Variants in MYL10 observed in about 807,000 individuals in gnomAD.
The protein encoded by MYL10 is myosin light chain 10.
A neutral mutation model predicts 21.9 loss-of-function variants in MYL10; 18 were observed. The observed-to-expected ratio is 0.82, with a 90% CI of 0.57 to 1.22. The LOEUF (loss-of-function observed/expected upper bound fraction) is 1.22, where lower values mean the gene tolerates loss of function less well. MYL10 is among the 50% of genes most tolerant of loss of function. The pLI, the probability that MYL10 is intolerant of heterozygous loss-of-function variation, is 0.00. For missense variants in MYL10, 225 were observed against 230.4 expected, an observed-to-expected ratio of 0.98 and a Z score of 0.15; for synonymous variants, 88 against 82.8, an observed-to-expected ratio of 1.06 and a Z score of -0.34.
At chr7:101,621,863 G>T (rs1335960236) in intron 5 of MYL10, among the ~76,000 whole-genome samples, 1 of 152,120 alleles carries the variant, frequency 6.6e-6, no homozygotes, top group Non-Finnish European at 1.5e-5. Context: ...TGGGATTACA[G>T]GCGTGAGCCA....
intron 6 of MYL10, among the ~76,000 whole-genome samples, chr7:101,615,070 C>T (rs1022033746): frequency 3.9e-5 from 6 of 152,120 alleles, no homozygotes; most frequent in Admixed American, 3.9e-4. Flanking sequence ...CCCTTGCTGT[C>T]ACTGGGTGGG....
At chr7:101,615,557 G>A (rs1796598933) in intron 6 of MYL10, among the ~76,000 whole-genome samples, 1 of 144,106 alleles carries the variant, frequency 6.9e-6, no homozygotes. Context: ...CCAAGCCCTG[G>A]CCCTCCAAGC....
intron 4 of MYL10, 83 bp from the exon 5 acceptor site, chr7:101,622,283 T>A: frequency 9.4e-7 from 1 of 1,064,720 alleles, no homozygotes; most frequent in Non-Finnish European, 1.4e-6. Context: ...GCCTCCCCAC[T>A]CAGCTGCTCC....
intron 5 of MYL10, among the ~76,000 whole-genome samples, chr7:101,618,867 A>G (rs1381632794): frequency 1.3e-5 from 2 of 152,158 alleles, no homozygotes; most frequent in East Asian, 1.9e-4. Flanking sequence ...CAGCTCAACC[A>G]TGGACCGACA....
intron 4 of MYL10, 126 bp from the exon 5 acceptor site, chr7:101,622,326 G>A (rs969283276): frequency 7.9e-6 from 5 of 635,874 alleles, no homozygotes; most frequent in Non-Finnish European, 1.0e-5. Flanking sequence ...AGGCCCTGAC[G>A]CCTTTTTGGG....
Position 101,624,561 on chromosome 7 carries a change from G to A in MYL10, c.79-297C>T, listed in dbSNP as rs76032633. Among the ~76,000 whole-genome samples the A allele has an allele frequency of 5.3e-3, 804 of 152,248 alleles. 8 individuals carry two copies. Among genetic ancestry groups the A allele is most frequent in the African/African-American group, 0.018 (753 of 41,552 alleles). On this transcript the variant is annotated intron_variant, in intron 1 of 7. Transcript: ENST00000223167. ...GGTGCCCGTGCTGCAGAACAGAGGC[G>A]GGCATCTCTTCCTTCAGCCTCCCCA...
At chr7:101,617,825 G>A (rs114067196) in intron 5 of MYL10, among the ~76,000 whole-genome samples, 2,553 of 152,000 alleles carry the variant, frequency 0.017, 63 homozygotes, top group African/African-American at 0.058. Flanking sequence ...CTGGGTCAGG[G>A]CCATCTGTGC....
chr7:101,627,360 G>A, intron 1 of MYL10: 1 of 143,204 alleles, frequency 7.0e-6, no homozygotes, highest in South Asian at 2.3e-4. Context: ...GCAGGGGTGG[G>A]AGGGAGGGGA....
At chr7:101,622,243 C>A in intron 4 of MYL10, 43 bp from the exon 5 acceptor site, 1 of 1,490,264 alleles carries the variant, frequency 6.7e-7, no homozygotes, top group South Asian at 1.2e-5. Context: ...TAAGAGAGAT[C>A]AGAGCTTGGG....
At chr7:101,624,398 C>G in intron 1 of MYL10, 134 bp from the exon 2 acceptor site, 1 of 625,690 alleles carries the variant, frequency 1.6e-6, no homozygotes, top group Non-Finnish European at 2.8e-6. Context: ...AGCAGACAGA[C>G]AAGGCTACCC....
intron 7 of MYL10, 24 bp from the exon 8 acceptor site, chr7:101,613,597 C>T: frequency 6.2e-7 from 1 of 1,614,006 alleles, no homozygotes; most frequent in Non-Finnish European, 8.5e-7. Context: ...GAGAGTCAGC[C>T]TGCACCAGGC....
At chr7:101,618,364 C>A (rs1268212420) in intron 5 of MYL10, among the ~76,000 whole-genome samples, 1 of 152,220 alleles carries the variant, frequency 6.6e-6, no homozygotes, top group Non-Finnish European at 1.5e-5. Context: ...TGGGATTTGC[C>A]TCCGAGGCCA....
intron 5 of MYL10, 92 bp from the exon 6 acceptor site, chr7:101,616,390 G>GACTTGCCC: frequency 3.0e-6 from 3 of 1,000,186 alleles, no homozygotes; most frequent in Non-Finnish European, 4.7e-6. Context: ...GGGGCTGGGG[G>GACTTGCCC]CAAGTCCCAC....
intron 5 of MYL10, among the ~76,000 whole-genome samples, chr7:101,619,138 C>T (rs1389116092): frequency 6.6e-6 from 1 of 152,248 alleles, no homozygotes; most frequent in Non-Finnish European, 1.5e-5. Context: ...TAACACGCCT[C>T]CTTCAGTTAT....
Position 101,624,255 on chromosome 7 carries a change from T to C in MYL10, c.88A>G (p.Arg30Gly). 6.2e-7 allele frequency: 1 copy of C among 1,606,690 alleles called. No individual in the cohort carries two copies. Among genetic ancestry groups the C allele is most frequent in the Non-Finnish European group, 8.5e-7 (1 of 1,174,062 alleles). The change falls in exon 2 of 8, where the codon AGA becomes GGA. Residue 30 changes from arginine (R) to glycine (G), a missense_variant. Physicochemically the swap from Arg to Gly is moderately radical, Grantham distance 125 (BLOSUM62 -2). Coordinates refer to ENST00000223167, the MANE Select transcript of MYL10 (RefSeq NM_138403.5). ...GTGCCTTCTGCTCTTTTCCGAGCTC[T>C]TCTCGGTGCCTGCGAGGTAGCAGAC... ...PKVLGLQAPR[R>G]ARKRAEGTAS...
At position 101,616,311 on chromosome 7, in the gene MYL10, C is replaced by A. The variant is rs750017494; in HGVS notation, c.455-13G>T. 1 of 1,610,186 alleles carries A rather than the reference C, an allele frequency of 6.2e-7. No homozygotes were observed. The highest frequency in any genetic ancestry group is 1.3e-5 in the African/African-American group (1 of 74,830). ...TCTGGGTCCGTGCCTATAAGCAGCACATACAGGGCAGGGAGAGAGGCAGGT... is the reference window on the plus strand; with the variant it reads ...TCTGGGTCCGTGCCTATAAGCAGCAAATACAGGGCAGGGAGAGAGGCAGGT... On this transcript the variant is annotated splice_polypyrimidine_tract_variant and intron_variant, in intron 5 of 7. Transcript: ENST00000223167.
chr7:101,620,181 G>A (rs192147968), intron 5 of MYL10, among the ~76,000 whole-genome samples: 52 of 152,032 alleles, frequency 3.4e-4, no homozygotes, highest in African/African-American at 1.1e-3. Flanking sequence ...AAAATTTAGC[G>A]GGGCATGGTG....
intron 6 of MYL10, among the ~76,000 whole-genome samples, chr7:101,614,281 C>T (rs144182264): frequency 2.0e-5 from 3 of 152,314 alleles, no homozygotes; most frequent in East Asian, 1.9e-4. Flanking sequence ...AGTGGGGCCT[C>T]GTCCACCCAG....
chr7:101,626,674 G>A (rs545788974), intron 1 of MYL10, among the ~76,000 whole-genome samples: 2 of 152,272 alleles, frequency 1.3e-5, no homozygotes, highest in African/African-American at 4.8e-5. Flanking sequence ...CTGACCCCCG[G>A]CCCTCCCAGG....
Sources: gnomAD v4.1 joint callset for allele counts (sites outside exome capture counted in the v4.1 genomes callset) on GRCh38, gnomAD v4.1.1 for gene constraint, MANE v1.5 for transcripts, NCBI Gene and HGNC (gene_info 2026-07-23, HGNC 2026-07-21) for gene names.